SMURF1: variants seen among roughly 807,000 people sequenced by gnomAD.
SMURF1 encodes SMAD specific E3 ubiquitin protein ligase 1, also known as E3 ubiquitin-protein ligase SMURF1.
SMURF1 carries 44 observed loss-of-function variants against 98.0 expected under a neutral mutation model. The observed-to-expected ratio is 0.45, with a 90% CI of 0.35 to 0.58. The LOEUF is 0.58. SMURF1 is among the 20% of genes least tolerant of loss of function. The pLI is 0.00. For synonymous variants in SMURF1, 396 were observed against 374.9 expected (o/e 1.06, Z -0.65); for missense variants, 687 against 938.4 (o/e 0.73, Z 3.50).
chr7:99,116,805 A>G (rs1797466768), intron 1 of SMURF1, among the ~76,000 whole-genome samples: 1 of 152,240 alleles, frequency 6.6e-6, no homozygotes, highest in African/African-American at 2.4e-5. Flanking sequence ...AGCAATTTCT[A>G]TCAAAGCCCC....
Position 99,030,582 on chromosome 7 carries a change from T to C in SMURF1, c.*2A>G. On this transcript the variant is annotated 3_prime_UTR_variant, in exon 18 of 18. Transcript: ENST00000361368. ...CTAGACTCTGTTGCCTTTGGTTGCT[T>C]TTCACTCCACAGCAAACCCGCAGGT... is the stretch of plus-strand genomic sequence containing the variant. The C allele has an allele frequency of 6.2e-7, 1 of 1,613,946 alleles. No individual in the cohort carries two copies. Among genetic ancestry groups the C allele is most frequent in the Non-Finnish European group, 8.5e-7 (1 of 1,179,870 alleles).
chr7:99,054,830 C>T lies in SMURF1; in HGVS notation c.439G>A (p.Gly147Ser), dbSNP rs757956179. 1.6e-5 allele frequency: 26 copies of T among 1,613,928 alleles called. No homozygotes were observed. In the African/African-American group the frequency reaches 2.3e-4, roughly 14 times the overall value. ...LQTRDRIGTGGSVVDCRGLLE... is the reference protein window; with the variant it reads ...LQTRDRIGTGSSVVDCRGLLE... ...AGTCCTCTGCAGTCCACCACCGAGC[C>T]GCCGGTTCCTATTCTGTCTCGTGTC... The change falls in exon 6 of 18, where the codon GGC becomes AGC. Residue 147 changes from glycine (G) to serine (S), a missense_variant. Physicochemically the swap from Gly to Ser is moderately conservative, Grantham distance 56. This residue lies in a region of SMURF1 where 415 missense variants were observed against 508.4 expected (regional missense o/e 0.82). Coordinates refer to ENST00000361368, the MANE Select transcript of SMURF1 (RefSeq NM_181349.3).
At chr7:99,129,768 C>T (rs1477822224) in intron 1 of SMURF1, among the ~76,000 whole-genome samples, 2 of 152,200 alleles carry the variant, frequency 1.3e-5, no homozygotes, top group African/African-American at 4.8e-5. Flanking sequence ...CCAGCCGAGC[C>T]CTTCATCATT....
At chr7:99,066,801 A>G (rs1444502587) in intron 1 of SMURF1, among the ~76,000 whole-genome samples, 2 of 150,998 alleles carry the variant, frequency 1.3e-5, no homozygotes, top group African/African-American at 4.9e-5. Context: ...AAAAAAAAAG[A>G]AAAGAAGAAA....
chr7:99,046,780 C>A (rs1410231572), intron 10 of SMURF1, among the ~76,000 whole-genome samples: 1 of 151,134 alleles, frequency 6.6e-6, no homozygotes, highest in Non-Finnish European at 1.5e-5. Context: ...TCTGGCAACC[C>A]AAGAGGGAAA....
In SMURF1 at chr7:99,117,391, C is replaced by T. The variant is rs532847162; in HGVS notation, c.55+26335G>A. Among the ~76,000 whole-genome samples the T allele has an allele frequency of 3.9e-5, 6 of 152,146 alleles. No homozygotes were observed. The South Asian group carries it at 1.3e-3, about 32-fold the overall frequency. On this transcript the variant is annotated intron_variant, in intron 1 of 17. Transcript: ENST00000361368. ...TGAGACAGAGTCTCACTCTGTCGCCCAGGCTTCAGTACGATAGCATGATCT... is the reference window on the plus strand; with the variant it reads ...TGAGACAGAGTCTCACTCTGTCGCCTAGGCTTCAGTACGATAGCATGATCT...
chr7:99,054,996 C>CAT lies in SMURF1; in HGVS notation c.404-133_404-132dup, dbSNP rs1311815297. ...CGAGGCATATGTGTATGCATACACA[C>CAT]ATATATTCCTATGCTTTCCAATACG... On this transcript the variant is annotated intron_variant, in intron 5 of 17. Transcript: ENST00000361368. 6.9e-6 allele frequency: 5 copies of CAT among 727,588 alleles called. No individual in the cohort carries two copies. In the African/African-American group the frequency reaches 8.7e-5, roughly 13 times the overall value. The allele number at this position is 727,588 out of a possible 1,614,324, so 45.1% of individuals were successfully genotyped here. A position where few individuals can be genotyped will look rare whatever the true frequency, so the allele number is the denominator to read the frequency against.
chr7:99,091,807 C>T (rs1796819942), intron 1 of SMURF1, among the ~76,000 whole-genome samples: 1 of 152,190 alleles, frequency 6.6e-6, no homozygotes, highest in Non-Finnish European at 1.5e-5. Flanking sequence ...CATGGCTTTC[C>T]TCTTGCCCTA....
At chr7:99,079,101 T>C (rs1293768959) in intron 1 of SMURF1, among the ~76,000 whole-genome samples, 2 of 152,224 alleles carry the variant, frequency 1.3e-5, no homozygotes, top group Non-Finnish European at 2.9e-5. Context: ...GGACCAACCC[T>C]TGGGGGATGC....
chr7:99,052,274 G>C lies in SMURF1; in HGVS notation c.652C>G (p.Arg218Gly). 6.2e-7 allele frequency: 1 copy of C among 1,611,212 alleles called. No individual in the cohort carries two copies. The highest frequency in any genetic ancestry group is 8.5e-7 in the Non-Finnish European group (1 of 1,178,582). Residue 218 changes from arginine (R) to glycine (G), a missense_variant, in exon 7 of 18, where the codon CGA (arginine) becomes GGA (glycine). Arg to Gly is a moderately radical substitution (Grantham distance 125, BLOSUM62 -2). Around this residue, in one of 2 missense-constraint regions of SMURF1, gnomAD observed 415 missense variants for 508.4 expected, o/e 0.82. Transcript: ENST00000361368. ...TTCTGGGGCGTCTGTAGTGAACCTC[G>C]CACATCAGGGTTTCGAAGCCGCTGT... The part of the protein sequence containing the change: ...QAQRLRNPDV[R>G]GSLQTPQNRP...
At chr7:99,032,800 C>T (rs749596446) in intron 17 of SMURF1, 53 of 566,824 alleles carry the variant, frequency 9.4e-5, no homozygotes, top group Non-Finnish European at 1.3e-4. Context: ...CCAGTAAAGC[C>T]GCTCTATACA....
At chr7:99,059,558 T>C (rs946597927) in intron 3 of SMURF1, among the ~76,000 whole-genome samples, 2 of 151,726 alleles carry the variant, frequency 1.3e-5, no homozygotes, top group Non-Finnish European at 2.9e-5. Flanking sequence ...TTGCAGAAAA[T>C]ATATATGTAC....
At chr7:99,117,307 T>C (rs975913643) in intron 1 of SMURF1, among the ~76,000 whole-genome samples, 4 of 152,118 alleles carry the variant, frequency 2.6e-5, no homozygotes, top group Non-Finnish European at 5.9e-5. Context: ...TAGGTAATGA[T>C]TTCTTCAATA....
intron 1 of SMURF1, among the ~76,000 whole-genome samples, chr7:99,066,024 G>A (rs1796182184): frequency 6.7e-6 from 1 of 150,018 alleles, no homozygotes; most frequent in Admixed American, 6.7e-5. Flanking sequence ...CCAGCCTGAT[G>A]ACACAGTGAG....
At position 99,045,126 on chromosome 7, in the gene SMURF1, A is replaced by G. The variant is rs1346832518; in HGVS notation, c.1256+572T>C. Among the ~76,000 whole-genome samples, 3 of 152,182 alleles carry G rather than the reference A, an allele frequency of 2.0e-5. No homozygotes were observed. In the East Asian group the frequency reaches 5.8e-4, roughly 29 times the overall value. ...TGCACTCCAGCCTGGGCAACAGAGCAAGACCCCGTCTCAAAAAAGACCAAA... is the reference window on the plus strand; with the variant it reads ...TGCACTCCAGCCTGGGCAACAGAGCGAGACCCCGTCTCAAAAAAGACCAAA... On this transcript the variant is annotated intron_variant, in intron 11 of 17. Coordinates refer to ENST00000361368, the MANE Select transcript of SMURF1 (RefSeq NM_181349.3).
At position 99,042,098 on chromosome 7, in the gene SMURF1, CTT is replaced by C; in HGVS notation, c.1371+18_1371+19del. 1 of 1,578,314 alleles carries C rather than the reference CTT, an allele frequency of 6.3e-7. No individual in the cohort carries two copies. The highest frequency in any genetic ancestry group is 1.1e-5 in the South Asian group (1 of 89,872). On this transcript the variant is annotated intron_variant, in intron 12 of 17. Transcript: ENST00000361368. ...ACTTCTCCAACTCAATTCCCTACCT[CTT>C]TGTTCATTCATACTTACGGGGTTGA...
intron 1 of SMURF1, among the ~76,000 whole-genome samples, chr7:99,107,977 T>C (rs1476657397): frequency 6.6e-6 from 1 of 152,204 alleles, no homozygotes; most frequent in Admixed American, 6.5e-5. Flanking sequence ...AATTTGCCTA[T>C]GTGAGAACCC....
chr7:99,074,212 A>C (rs1796399799), intron 1 of SMURF1, among the ~76,000 whole-genome samples: 1 of 152,222 alleles, frequency 6.6e-6, no homozygotes, highest in Non-Finnish European at 1.5e-5. Flanking sequence ...GACCTGAAGG[A>C]CGCATGAAGA....
At chr7:99,063,271 A>AAGATTTT (rs1243723851) in intron 1 of SMURF1, among the ~76,000 whole-genome samples, 6 of 11,578 alleles carry the variant, frequency 5.2e-4, no homozygotes, top group South Asian at 5.1e-3. Context: ...ATATATATAT[A>AAGATTTT]TATATATATA....
Sources: gnomAD v4.1 joint callset for allele counts (sites outside exome capture counted in the v4.1 genomes callset) on GRCh38, gnomAD v4.1.1 for gene constraint, gnomAD v4.1.1 regional missense constraint, MANE v1.5 for transcripts, NCBI Gene and HGNC (gene_info 2026-07-23, HGNC 2026-07-21) for gene names.